Variants in DMD observed in about 807,000 individuals in gnomAD.
The protein encoded by DMD is mutant dystrophin.
A neutral mutation model predicts 330.1 loss-of-function variants in DMD; 63 were observed. The observed-to-expected ratio is 0.19, with a 90% CI of 0.16 to 0.24. DMD has a LOEUF of 0.24. Ranked by LOEUF, DMD falls within the 10% of genes least tolerant of loss-of-function variation. The pLI is 1.00. For synonymous variants in DMD, 1,223 were observed against 959.8 expected, an observed-to-expected ratio of 1.27 and a Z score of -5.07; for missense variants, 3,344 against 2,684.1, an observed-to-expected ratio of 1.25 and a Z score of -5.43.
At chrX:33,307,909 G>C (rs1173432986) in intron 1 of DMD, among the ~76,000 whole-genome samples, 1 of 111,500 alleles carries the variant, frequency 9.0e-6, no homozygotes, top group African/African-American at 3.3e-5. Context: ...TTTTTAAACT[G>C]TAACATTCTG....
chrX:31,272,459 TTGTC>T (rs1232362757), intron 62 of DMD, among the ~76,000 whole-genome samples: 1 of 112,147 alleles, frequency 8.9e-6, no homozygotes, highest in Non-Finnish European at 1.9e-5. Flanking sequence ...TTGTAACTAT[TTGTC>T]TGCCTTTCCC....
At chrX:31,292,018 A>G (rs776328074) in intron 62 of DMD, among the ~76,000 whole-genome samples, 2 of 111,855 alleles carry the variant, frequency 1.8e-5, no homozygotes, top group African/African-American at 6.5e-5. Flanking sequence ...AAGTTTCTAG[A>G]AGATAATAAA....
At chrX:31,281,174 G>A (rs866703337) in intron 62 of DMD, among the ~76,000 whole-genome samples, 8 of 111,882 alleles carry the variant, frequency 7.2e-5, no homozygotes, top group South Asian at 3.8e-4. Flanking sequence ...CAACGACAGA[G>A]ACTCTATTTT....
At chrX:31,366,719 C>T (rs1216629978) in intron 60 of DMD, among the ~76,000 whole-genome samples, 1 of 108,555 alleles carries the variant, frequency 9.2e-6, no homozygotes. Context: ...CTTTTCACCT[C>T]CCTTTTAACT....
intron 47 of DMD, among the ~76,000 whole-genome samples, chrX:31,881,425 T>C (rs2094064915): frequency 9.3e-6 from 1 of 107,895 alleles, no homozygotes; most frequent in African/African-American, 3.4e-5. Context: ...TAAAAATGTG[T>C]CCTCATAAAT....
intron 16 of DMD, among the ~76,000 whole-genome samples, chrX:32,550,088 G>A (rs1461103534): frequency 9.0e-6 from 1 of 111,283 alleles, no homozygotes; most frequent in Non-Finnish European, 1.9e-5. Context: ...CTACTATACG[G>A]CCAACCTATG....
chrX:32,573,917 A>C, intron 13 of DMD, 71 bp from the exon 14 acceptor site: 2 of 915,019 alleles, frequency 2.2e-6, no homozygotes, highest in South Asian at 4.1e-5. Flanking sequence ...AATGGCATGA[A>C]TAATTTGCCA....
At position 31,678,917 on chromosome X, in the gene DMD, C is replaced by T. The variant is rs188798561; in HGVS notation, c.7872+458G>A. Among the ~76,000 whole-genome samples the T allele has an allele frequency of 8.8e-3, 982 of 112,069 alleles. 9 individuals are homozygous for T. Among genetic ancestry groups the T allele is most frequent in the Middle Eastern group, 0.037 (8 of 217 alleles). On this transcript the variant is annotated intron_variant, in intron 53 of 78. Coordinates refer to ENST00000357033, the MANE Select transcript of DMD (RefSeq NM_004006.3). ...ACATTGACATTAGCTGTCAATTTTC[C>T]TCTATTCTCTACCTTGACTCAAAAG... is the stretch of plus-strand genomic sequence containing the variant.
At chrX:33,053,405 C>A (rs1254214198) in intron 1 of DMD, among the ~76,000 whole-genome samples, 1 of 109,953 alleles carries the variant, frequency 9.1e-6, no homozygotes, top group Non-Finnish European at 1.9e-5. Context: ...ACCAGCCTGG[C>A]CAATATGGTG....
chrX:32,310,088 A>G lies in DMD; in HGVS notation c.6111T>C (p.Ser2037=). The change falls in exon 42 of 79, where the codon TCT becomes TCC. Residue 2037 remains serine (S), a synonymous_variant. Transcript: ENST00000357033. ...GAAAGTGCTTTGGTTTTACCTTCAG[A>G]GACTCCTCTTGCTTAAAGAGATCTT... The part of the protein sequence containing the change: ...DFEDLFKQEE[S]LKNIKDSLQQ... 8.3e-7 allele frequency: 1 copy of G among 1,207,948 alleles called. No homozygotes were observed. Among genetic ancestry groups the G allele is most frequent in the Middle Eastern group, 2.3e-4 (1 of 4,318 alleles).
intron 45 of DMD, among the ~76,000 whole-genome samples, chrX:31,953,822 AG>A (rs1315733358): frequency 1.8e-5 from 2 of 112,176 alleles, no homozygotes; most frequent in South Asian, 7.4e-4. Context: ...AAGAGAAAAA[AG>A]AACAAATTAA....
intron 44 of DMD, among the ~76,000 whole-genome samples, chrX:32,015,893 C>T (rs1326324572): frequency 9.0e-6 from 1 of 111,597 alleles, no homozygotes; most frequent in Non-Finnish European, 1.9e-5. Context: ...TCATTAGATG[C>T]TGATAGAACA....
chrX:32,369,475 T>G (rs1044353886), intron 34 of DMD, among the ~76,000 whole-genome samples: 1 of 111,533 alleles, frequency 9.0e-6, no homozygotes, highest in African/African-American at 3.3e-5. Context: ...AAAAACCTTC[T>G]CCATTGGTCT....
chrX:31,408,538 A>G (rs1421144003), intron 60 of DMD, among the ~76,000 whole-genome samples: 1 of 110,198 alleles, frequency 9.1e-6, no homozygotes, highest in Non-Finnish European at 1.9e-5. Context: ...AGCTGGGATT[A>G]CAGGTACGCA....
chrX:32,646,663 G>T (rs1221379508), intron 9 of DMD, among the ~76,000 whole-genome samples: 1 of 111,260 alleles, frequency 9.0e-6, no homozygotes, highest in African/African-American at 3.3e-5. Context: ...AACCCACTAA[G>T]CTGCCAGCAC....
At chrX:33,000,845 T>G (rs1206559641) in intron 2 of DMD, among the ~76,000 whole-genome samples, 2 of 112,322 alleles carry the variant, frequency 1.8e-5, no homozygotes, top group African/African-American at 3.2e-5. Flanking sequence ...AAATACTATA[T>G]AAACTTTTTG....
rs964570844 is a variant in DMD at position 33,172,683 on chromosome X, C to A, written c.31+38599G>T. On this transcript the variant is annotated intron_variant, in intron 1 of 78. Transcript: ENST00000357033. ...CTCCCGTGGTAGTATCAAGTAAGAT[C>A]TTATCCTGCATTTAACGCATTAGGA... 3.6e-5 allele frequency among the ~76,000 whole-genome samples: 4 copies of A among 111,948 alleles called. No individual in the cohort carries two copies. The Admixed American group carries it at 3.8e-4, about 11-fold the overall frequency.
At chrX:31,967,072 G>T (rs893125225) in intron 45 of DMD, among the ~76,000 whole-genome samples, 1 of 109,917 alleles carries the variant, frequency 9.1e-6, no homozygotes, top group Non-Finnish European at 1.9e-5. Context: ...GTTTATACCT[G>T]TTCATAGTAT....
At position 32,393,904 on chromosome X, in the gene DMD, C is replaced by T. The variant is rs191327389; in HGVS notation, c.4234-3723G>A. Among the ~76,000 whole-genome samples the T allele has an allele frequency of 4.1e-3, 454 of 111,180 alleles. 5 individuals are homozygous for T. The highest frequency in any genetic ancestry group is 0.015 in the African/African-American group (445 of 30,586). ...CAATAGTAATCAGGGTACATGAGCTCGTCAATGACCATTGCAGCTAGAAGA... is the reference window on the plus strand; with the variant it reads ...CAATAGTAATCAGGGTACATGAGCTTGTCAATGACCATTGCAGCTAGAAGA... On this transcript the variant is annotated intron_variant, in intron 30 of 78. Transcript: ENST00000357033.
Sources: gnomAD v4.1 joint callset for allele counts (sites outside exome capture counted in the v4.1 genomes callset) on GRCh38, gnomAD v4.1.1 for gene constraint, MANE v1.5 for transcripts, NCBI Gene and HGNC (gene_info 2026-07-23, HGNC 2026-07-21) for gene names.